CFAP20DC: variants seen among roughly 807,000 people sequenced by gnomAD.
The protein encoded by CFAP20DC is CFAP20 domain containing.
In CFAP20DC, 84 loss-of-function variants were observed where a neutral mutation model predicts 101.7. That is an observed-to-expected ratio of 0.83 (90% CI 0.69 to 0.99). The LOEUF (loss-of-function observed/expected upper bound fraction) is 0.99, where lower values mean the gene tolerates loss of function less well. CFAP20DC is among the 50% of genes least tolerant of loss of function. CFAP20DC has a pLI of 0.00. For synonymous variants in CFAP20DC, 359 were observed against 351.2 expected, an observed-to-expected ratio of 1.02 and a Z score of -0.25; for missense variants, 1,007 against 970.3, an observed-to-expected ratio of 1.04 and a Z score of -0.50.
Position 58,870,202 on chromosome 3 carries a change from T to C in CFAP20DC, c.823A>G (p.Arg275Gly), listed in dbSNP as rs2080033809. 1.9e-6 allele frequency: 3 copies of C among 1,614,070 alleles called. No individual in the cohort carries two copies. The highest frequency in any genetic ancestry group is 2.2e-5 in the East Asian group (1 of 44,876). ...KVLGPPPLSG[R>G]RNNMKISSET... ...CTGGATATCTTCATGTTATTCCTTC[T>C]GCCAGAGAGTGGAGGTGGCCCAAGA... Residue 275 changes from arginine (R) to glycine (G), a missense_variant, in exon 8 of 17, where the codon AGA (arginine) becomes GGA (glycine). Transcript: ENST00000482387.
At chr3:58,933,957 C>A (rs1171958382) in intron 5 of CFAP20DC, among the ~76,000 whole-genome samples, 1 of 151,718 alleles carries the variant, frequency 6.6e-6, no homozygotes, top group Non-Finnish European at 1.5e-5. Context: ...CACAAAAAAC[C>A]CTTCAAAAAA....
chr3:58,739,640 A>T (rs2067837586), downstream of CFAP20DC, among the ~76,000 whole-genome samples: 1 of 152,222 alleles, frequency 6.6e-6, no homozygotes, highest in South Asian at 2.1e-4. Context: ...GGTTTTAAAA[A>T]TTTCCAGTGC....
At chr3:58,817,108 A>T (rs1310301906) in intron 14 of CFAP20DC, among the ~76,000 whole-genome samples, 3 of 152,054 alleles carry the variant, frequency 2.0e-5, no homozygotes, top group African/African-American at 7.2e-5. Flanking sequence ...ACTAACAAAC[A>T]GAAAGGACAT....
chr3:58,921,116 T>C (rs539159887), intron 5 of CFAP20DC, among the ~76,000 whole-genome samples: 1 of 152,198 alleles, frequency 6.6e-6, no homozygotes, highest in East Asian at 1.9e-4. Flanking sequence ...CTTTCATTCT[T>C]GGTATTGGCA....
chr3:59,035,039 C>G (rs1020846006), intron 4 of CFAP20DC, among the ~76,000 whole-genome samples: 1 of 152,202 alleles, frequency 6.6e-6, no homozygotes, highest in Non-Finnish European at 1.5e-5. Flanking sequence ...TTAAGAAACT[C>G]ACTCAAAACC....
intron 4 of CFAP20DC, among the ~76,000 whole-genome samples, chr3:59,003,098 GA>G (rs2093351823): frequency 6.6e-6 from 1 of 152,148 alleles, no homozygotes. Flanking sequence ...ATGCAGCACA[GA>G]AGGGATGAAA....
intron 3 of CFAP20DC, among the ~76,000 whole-genome samples, chr3:59,041,584 G>T (rs1699392546): frequency 6.6e-6 from 1 of 151,978 alleles, no homozygotes; most frequent in South Asian, 2.1e-4. Context: ...AAGTAATGTT[G>T]AATGTGGAAA....
At chr3:58,751,917 C>T (rs973351295) in intron 16 of CFAP20DC, among the ~76,000 whole-genome samples, 3 of 151,926 alleles carry the variant, frequency 2.0e-5, no homozygotes, top group Admixed American at 6.6e-5. Context: ...GACTTGGTGT[C>T]TGGCATAAAG....
chr3:58,761,747 C>G (rs1335840486), intron 15 of CFAP20DC, among the ~76,000 whole-genome samples: 1 of 152,162 alleles, frequency 6.6e-6, no homozygotes, highest in Non-Finnish European at 1.5e-5. Flanking sequence ...TCTTTGTTCT[C>G]TTTGGTTTCA....
chr3:58,911,893 G>A (rs970542495), intron 6 of CFAP20DC, among the ~76,000 whole-genome samples: 5 of 151,968 alleles, frequency 3.3e-5, no homozygotes, highest in African/African-American at 1.2e-4. Flanking sequence ...ACAGAATTTT[G>A]GCCAATCTCC....
At chr3:58,778,909 G>T (rs1209033228) in intron 15 of CFAP20DC, among the ~76,000 whole-genome samples, 6 of 152,134 alleles carry the variant, frequency 3.9e-5, no homozygotes, top group Non-Finnish European at 8.8e-5. Context: ...CATGCACCCA[G>T]AATCAAAGCC....
At chr3:58,930,345 T>C (rs2086473773) in intron 5 of CFAP20DC, among the ~76,000 whole-genome samples, 1 of 152,200 alleles carries the variant, frequency 6.6e-6, no homozygotes, top group Non-Finnish European at 1.5e-5. Context: ...ACTATCAGAT[T>C]AATCTTCCCA....
chr3:58,889,164 G>A (rs962621201), intron 6 of CFAP20DC, among the ~76,000 whole-genome samples: 32 of 152,066 alleles, frequency 2.1e-4, no homozygotes, highest in African/African-American at 7.5e-4. Flanking sequence ...CTTAGAGAAT[G>A]TCTCAATTCA....
rs868626647 is a variant in CFAP20DC at position 58,842,575 on chromosome 3, G to A, written c.1971+6457C>T. Among the ~76,000 whole-genome samples, 83 of 152,216 alleles carry A rather than the reference G, an allele frequency of 5.5e-4. 1 individual carries two copies. The South Asian group carries it at 0.016, about 29-fold the overall frequency. Reference sequence around the variant, plus strand: ...TCTGAGATCAAACTGCAAGGCGGCAGCGAGCTGGGGGAGGGGCGCCCGCCA... The same window carrying A: ...TCTGAGATCAAACTGCAAGGCGGCAACGAGCTGGGGGAGGGGCGCCCGCCA... On this transcript the variant is annotated intron_variant, in intron 13 of 16. Coordinates refer to ENST00000482387, the MANE Select transcript of CFAP20DC (RefSeq NM_001394063.1).
intron 6 of CFAP20DC, among the ~76,000 whole-genome samples, chr3:58,901,013 C>G (rs556315942): frequency 1.3e-5 from 2 of 152,038 alleles, no homozygotes; most frequent in Non-Finnish European, 2.9e-5. Flanking sequence ...TTTTGGTATA[C>G]GTCTCCTTCT....
intron 4 of CFAP20DC, among the ~76,000 whole-genome samples, chr3:58,979,369 G>A (rs1401039177): frequency 6.6e-6 from 1 of 152,196 alleles, no homozygotes; most frequent in Non-Finnish European, 1.5e-5. Context: ...AATAATGTAT[G>A]TAAATTGCTT....
At chr3:58,918,339 C>T (rs771093122) in intron 5 of CFAP20DC, among the ~76,000 whole-genome samples, 4 of 152,122 alleles carry the variant, frequency 2.6e-5, no homozygotes, top group Non-Finnish European at 5.9e-5. Context: ...CTTTTAGCTT[C>T]ATCAATCTTC....
At position 59,049,605 on chromosome 3, in the gene CFAP20DC, G is replaced by T. The variant is rs893750815; in HGVS notation, c.21+6C>A. 10 of 1,535,926 alleles carry T rather than the reference G, an allele frequency of 6.5e-6. No individual in the cohort carries two copies. The highest frequency in any genetic ancestry group is 8.7e-6 in the Non-Finnish European group (10 of 1,146,808). On this transcript the variant is annotated splice_donor_region_variant and intron_variant, in intron 1 of 16. Transcript: ENST00000482387. ...ATAGACAGGTTGGAGAACCGTTTCGGGTTACCTGGTACTCATTTTTGAACA... is the reference window on the plus strand; with the variant it reads ...ATAGACAGGTTGGAGAACCGTTTCGTGTTACCTGGTACTCATTTTTGAACA...
chr3:58,816,888 C>T (rs1474360165), intron 14 of CFAP20DC, among the ~76,000 whole-genome samples: 2 of 152,186 alleles, frequency 1.3e-5, no homozygotes, highest in Non-Finnish European at 2.9e-5. Context: ...TTAAGTGTCC[C>T]TGTCTGACAG....
Sources: allele counts gnomAD v4.1 joint callset (sites outside exome capture counted in the v4.1 genomes callset), GRCh38; gene constraint gnomAD v4.1.1; transcripts MANE v1.5; gene names NCBI Gene and HGNC (gene_info 2026-07-23, HGNC 2026-07-21).